The following CNTN4 variants were observed in gnomAD, a reference collection of about 807,000 sequenced individuals.
CNTN4 encodes contactin-4.
CNTN4 carries 77 observed loss-of-function variants against 122.5 expected under a neutral mutation model. The observed-to-expected ratio is 0.63, with a 90% CI of 0.52 to 0.76. The LOEUF is 0.76. CNTN4 is among the 30% of genes least tolerant of loss of function. The pLI is 0.00. For missense variants in CNTN4, 1,256 were observed against 1,259.1 expected, an observed-to-expected ratio of 1.00 and a Z score of 0.04; for synonymous variants, 512 against 447.0, an observed-to-expected ratio of 1.15 and a Z score of -1.83.
At chr3:3,050,512 C>T (rs766993492) in intron 23 of CNTN4, among the ~76,000 whole-genome samples, 4 of 151,882 alleles carry the variant, frequency 2.6e-5, no homozygotes, top group Non-Finnish European at 5.9e-5. Context: ...ACCTGTAATC[C>T]CAGCACTTTG....
chr3:2,261,654 T>G (rs2149753250), intron 2 of CNTN4, among the ~76,000 whole-genome samples: 1 of 152,212 alleles, frequency 6.6e-6, no homozygotes, highest in East Asian at 1.9e-4. Flanking sequence ...AATTTCAGTT[T>G]GAAACGGTTC....
At position 2,308,847 on chromosome 3, in the gene CNTN4, A is replaced by T. The variant is rs570353360; in HGVS notation, c.-144-30331A>T. 2.0e-5 allele frequency among the ~76,000 whole-genome samples: 3 copies of T among 152,192 alleles called. No homozygotes were observed. In the East Asian group the frequency reaches 5.8e-4, roughly 29 times the overall value. ...TAATATTTCAATATCTCTAAAATGT[A>T]GGAAAAATGTATATAAAATATAGTC... On this transcript the variant is annotated intron_variant, in intron 2 of 24. Coordinates refer to ENST00000418658, the MANE Select transcript of CNTN4 (RefSeq NM_175607.3).
chr3:2,730,212 C>A (rs958079122), intron 4 of CNTN4, among the ~76,000 whole-genome samples: 1 of 152,122 alleles, frequency 6.6e-6, no homozygotes, highest in African/African-American at 2.4e-5. Context: ...ACATGAAAAT[C>A]ATTAATGTTT....
In CNTN4 at chr3:2,956,328, T is replaced by C. The variant is rs79448539; in HGVS notation, c.1358+30549T>C. ...TTGTTTAGATGGGTAAAGAGTTTGC[T>C]AGAGATGATGAAAAAGTTCTGAAGA... On this transcript the variant is annotated intron_variant, in intron 13 of 24. Transcript: ENST00000418658. Among the ~76,000 whole-genome samples the C allele has an allele frequency of 7.0e-3, 1,065 of 152,134 alleles. 12 individuals carry two copies. Among genetic ancestry groups the C allele is most frequent in the East Asian group, 0.027 (138 of 5,178 alleles).
intron 3 of CNTN4, among the ~76,000 whole-genome samples, chr3:2,419,979 G>C (rs973135560): frequency 2.0e-5 from 3 of 152,126 alleles, no homozygotes; most frequent in African/African-American, 7.2e-5. Context: ...TGTGGATGCT[G>C]CCAAAAGCCA....
intron 3 of CNTN4, among the ~76,000 whole-genome samples, chr3:2,366,656 G>C (rs1186652030): frequency 6.6e-6 from 1 of 151,964 alleles, no homozygotes; most frequent in Admixed American, 6.6e-5. Flanking sequence ...GAACCCGGGA[G>C]GCGGAGCTTG....
In CNTN4 at chr3:2,310,684, A is replaced by G. The variant is rs2042882287; in HGVS notation, c.-144-28494A>G. 2.0e-5 allele frequency among the ~76,000 whole-genome samples: 3 copies of G among 152,158 alleles called. No homozygotes were observed. In the South Asian group the frequency reaches 6.2e-4, roughly 31 times the overall value. On this transcript the variant is annotated intron_variant, in intron 2 of 24. Coordinates refer to ENST00000418658, the MANE Select transcript of CNTN4 (RefSeq NM_175607.3). ...CCCAATGGCATATCGAGCACCTGTG[A>G]GACTTCAGGTGTTGTTTGATAGTTT...
chr3:2,673,671 GC>G (rs1170981427), intron 4 of CNTN4, among the ~76,000 whole-genome samples: 3 of 152,084 alleles, frequency 2.0e-5, no homozygotes, highest in Admixed American at 1.3e-4. Flanking sequence ...CTCCCAAGTA[GC>G]TGGGACTACA....
At chr3:2,194,936 AC>A (rs1263830226) in intron 2 of CNTN4, among the ~76,000 whole-genome samples, 1 of 152,118 alleles carries the variant, frequency 6.6e-6, no homozygotes, top group African/African-American at 2.4e-5. Context: ...AATTTGTAGT[AC>A]TTGGTTGCTG....
chr3:2,306,163 G>A (rs1425867370), intron 2 of CNTN4, among the ~76,000 whole-genome samples: 1 of 152,112 alleles, frequency 6.6e-6, no homozygotes, highest in African/African-American at 2.4e-5. Context: ...GAATTGCTGG[G>A]TCATATGGTA....
At chr3:2,782,465 C>CTG (rs137927481) in intron 6 of CNTN4, among the ~76,000 whole-genome samples, 11,238 of 133,080 alleles carry the variant, frequency 0.084, 494 homozygotes, top group East Asian at 0.11. Flanking sequence ...CCTTCTTATT[C>CTG]TGTGTGTGTG....
intron 17 of CNTN4, among the ~76,000 whole-genome samples, chr3:3,035,907 T>A (rs1395713219): frequency 1.3e-5 from 2 of 151,246 alleles, no homozygotes; most frequent in Non-Finnish European, 2.9e-5. Context: ...GATTTCTTTT[T>A]AACCAATTTT....
chr3:2,560,143 T>G lies in CNTN4; in HGVS notation c.-88-11273T>G, dbSNP rs541691041. Reference sequence around the variant, plus strand: ...GTTATTATTATTATTCTTTTTCTTTTTCTTTTTTTTTTTTAAGACAGGGTT... The same window carrying G: ...GTTATTATTATTATTCTTTTTCTTTGTCTTTTTTTTTTTTAAGACAGGGTT... On this transcript the variant is annotated intron_variant, in intron 3 of 24. Transcript: ENST00000418658. Among the ~76,000 whole-genome samples the G allele has an allele frequency of 1.5e-3, 194 of 133,354 alleles. 1 individual carries two copies. The highest frequency in any genetic ancestry group is 6.5e-4 in the East Asian group (2 of 3,082). The allele number at this position is 133,354 out of a possible 152,430, so 87.5% of individuals were successfully genotyped here.
intron 10 of CNTN4, among the ~76,000 whole-genome samples, chr3:2,898,417 C>T (rs2094138271): frequency 6.6e-6 from 1 of 152,166 alleles, no homozygotes; most frequent in Non-Finnish European, 1.5e-5. Flanking sequence ...TGAGTATTCT[C>T]ATCTGGTTCC....
intron 6 of CNTN4, among the ~76,000 whole-genome samples, chr3:2,746,188 G>C (rs569718415): frequency 8.3e-6 from 1 of 120,516 alleles, no homozygotes; most frequent in African/African-American, 2.8e-5. Flanking sequence ...ATACTTTAAC[G>C]ATAAAGGTGA....
At chr3:2,314,419 A>T (rs1224397749) in intron 2 of CNTN4, among the ~76,000 whole-genome samples, 4 of 152,006 alleles carry the variant, frequency 2.6e-5, no homozygotes, top group African/African-American at 9.7e-5. Context: ...CAAGAAACTG[A>T]CCTACATACA....
At chr3:2,167,161 CA>C (rs1309969813) in intron 2 of CNTN4, among the ~76,000 whole-genome samples, 10 of 151,954 alleles carry the variant, frequency 6.6e-5, no homozygotes, top group African/African-American at 2.4e-4. Flanking sequence ...AAGGATAAAC[CA>C]ATTCCATGCT....
At chr3:2,766,467 G>A (rs7642390) in intron 6 of CNTN4, among the ~76,000 whole-genome samples, 2 of 152,164 alleles carry the variant, frequency 1.3e-5, no homozygotes, top group African/African-American at 2.4e-5. Flanking sequence ...GATTGGAGAC[G>A]ATTATTCTAA....
At chr3:2,215,068 A>G (rs1397769916) in intron 2 of CNTN4, among the ~76,000 whole-genome samples, 1 of 152,248 alleles carries the variant, frequency 6.6e-6, no homozygotes, top group East Asian at 1.9e-4. Flanking sequence ...TTCTTAAACT[A>G]CAGATACAAA....
Sources: gnomAD v4.1 joint callset for allele counts (sites outside exome capture counted in the v4.1 genomes callset) on GRCh38, gnomAD v4.1.1 for gene constraint, MANE v1.5 for transcripts, NCBI Gene and HGNC (gene_info 2026-07-23, HGNC 2026-07-21) for gene names.